The following GNAS variants were observed in gnomAD, a reference collection of about 807,000 sequenced individuals.
The protein encoded by GNAS is GNAS complex locus, also known as protein ALEX.
GNAS carries 8 observed loss-of-function variants against 54.5 expected under a neutral mutation model. That is an observed-to-expected ratio of 0.15 (90% confidence interval 0.09 to 0.26). GNAS has a LOEUF of 0.26. GNAS is among the 10% of genes least tolerant of loss of function. The pLI, the probability that GNAS is intolerant of heterozygous loss-of-function variation, is 1.00. For synonymous variants in GNAS, 204 were observed against 191.4 expected, an observed-to-expected ratio of 1.07 and a Z score of -0.54; for missense variants, 170 against 529.8, an observed-to-expected ratio of 0.32 and a Z score of 6.67.
chr20:58,900,105 C>A (rs1038999222), intron 3 of GNAS: 13 of 575,096 alleles, frequency 2.3e-5, no homozygotes, highest in Non-Finnish European at 3.8e-5. Flanking sequence ...TGCTACCTGA[C>A]CTTAAACGAT....
In GNAS at chr20:58,910,918, G is replaced by A. The variant is rs1284403271; in HGVS notation, c.*89G>A. ...TACAAGCAGTTAATCACCCACCATA[G>A]GGCATGATTAACAAAGCAACCTTTC... On this transcript the variant is annotated 3_prime_UTR_variant, in exon 13 of 13. Transcript: ENST00000371085. The surrounding 1 kb of genome is among the most constrained non-coding windows in gnomAD (Gnocchi z 5.8). 2 of 1,299,924 alleles carry A rather than the reference G, an allele frequency of 1.5e-6. No homozygotes were observed. Among genetic ancestry groups the A allele is most frequent in the African/African-American group, 2.9e-5 (2 of 69,082 alleles). 80.5% of individuals were successfully genotyped at this position (1,299,924 alleles called of 1,614,324 possible).
chr20:58,899,640 C>T (rs1199416453), intron 3 of GNAS, among the ~76,000 whole-genome samples: 1 of 142,068 alleles, frequency 7.0e-6, no homozygotes, highest in African/African-American at 2.4e-5. Context: ...TCCTGCATCC[C>T]CACACCCATC....
At position 58,841,898 on chromosome 20, in the gene GNAS, C is replaced by T; in HGVS notation, c.43+1012C>T. 1.6e-6 allele frequency: 2 copies of T among 1,230,454 alleles called. No individual in the cohort carries two copies. Among genetic ancestry groups the T allele is most frequent in the South Asian group, 4.1e-5 (1 of 24,164 alleles). 76.2% of individuals were successfully genotyped at this position (1,230,454 alleles called of 1,614,324 possible). A position where few individuals can be genotyped will look rare whatever the true frequency, so the allele number is the denominator to read the frequency against. On this transcript the variant is annotated intron_variant, in intron 1 of 12. Transcript: ENST00000306090. This position sits in a 1 kb window ranked among gnomAD's most constrained non-coding sequence, Gnocchi z 5.0. ...AAGGTAAAGCGGAACAAGGGACAGG[C>T]TGGAGACGGGGGTCGCGTCTAACAT... is the stretch of plus-strand genomic sequence containing the variant.
At chr20:58,892,709 A>G (rs1044426175) in intron 1 of GNAS, among the ~76,000 whole-genome samples, 6 of 152,128 alleles carry the variant, frequency 3.9e-5, no homozygotes, top group African/African-American at 1.4e-4. Flanking sequence ...GGAGAGTCAA[A>G]TAAAATAAGA....
At chr20:58,890,416 T>C (rs1257019415), upstream of GNAS, among the ~76,000 whole-genome samples, 2 of 149,374 alleles carry the variant, frequency 1.3e-5, no homozygotes, top group Admixed American at 1.3e-4. Flanking sequence ...GCGCCGCGCG[T>C]TGGGGGCATC....
chr20:58,864,596 T>G (rs1328056313), intron 1 of GNAS, among the ~76,000 whole-genome samples: 1 of 152,122 alleles, frequency 6.6e-6, no homozygotes, highest in Non-Finnish European at 1.5e-5. Context: ...TGAGACAGTA[T>G]AAGGCAGAAA....
intron 1 of GNAS, among the ~76,000 whole-genome samples, chr20:58,847,935 A>T (rs931551019): frequency 1.3e-5 from 2 of 152,212 alleles, no homozygotes; most frequent in Non-Finnish European, 2.9e-5. Flanking sequence ...GCATCAATAG[A>T]GAGGTGAGAC....
At chr20:58,860,151 A>G (rs2086710738) in intron 1 of GNAS, among the ~76,000 whole-genome samples, 1 of 152,234 alleles carries the variant, frequency 6.6e-6, no homozygotes, top group African/African-American at 2.4e-5. Context: ...CTGGTTATAA[A>G]TGTCCATTGA....
At chr20:58,851,309 T>C (rs1251567015) in intron 1 of GNAS, among the ~76,000 whole-genome samples, 2 of 152,144 alleles carry the variant, frequency 1.3e-5, no homozygotes, top group African/African-American at 4.8e-5. Flanking sequence ...TGCATTAGAC[T>C]AAACGGGATC....
chr20:58,902,565 T>TA (rs2090714301), intron 3 of GNAS, among the ~76,000 whole-genome samples: 1 of 151,848 alleles, frequency 6.6e-6, no homozygotes, highest in Non-Finnish European at 1.5e-5. Flanking sequence ...AACCTCTACT[T>TA]ACCAGAGGGA....
chr20:58,910,564 TTTG>T lies in GNAS; in HGVS notation c.1039-116_1039-114del. On this transcript the variant is annotated intron_variant, in intron 12 of 12. Coordinates refer to ENST00000371085, the MANE Select transcript of GNAS (RefSeq NM_000516.7). This position sits in a 1 kb window ranked among gnomAD's most constrained non-coding sequence, Gnocchi z 5.8. ...AGCTCTTTGCGCCCCTCTTTTTGCT[TTTG>T]TTTTCATATGACATCAGAGGCTGGC... 7.5e-7 allele frequency: 1 copy of T among 1,339,200 alleles called. No homozygotes were observed. The highest frequency in any genetic ancestry group is 1.1e-6 in the Non-Finnish European group (1 of 940,234). 83.0% of individuals were successfully genotyped at this position (1,339,200 alleles called of 1,614,324 possible). A position where few individuals can be genotyped will look rare whatever the true frequency, so the allele number is the denominator to read the frequency against.
chr20:58,855,188 G>C lies in GNAS; in HGVS notation c.43+14302G>C, dbSNP rs76145268. The C allele has an allele frequency of 2.7e-4, 431 of 1,607,184 alleles. 1 individual carries two copies. Among genetic ancestry groups the C allele is most frequent in the Non-Finnish European group, 3.5e-4 (411 of 1,176,960 alleles). On this transcript the variant is annotated intron_variant, in intron 1 of 12. Coordinates refer to the GNAS transcript ENST00000306090. ...CTCTCAAGGTCAAGAAGGTACCCCT[G>C]GCGGAGAAGCGCAGACAGATGCGCA...
chr20:58,896,621 T>TA (rs5842245), intron 2 of GNAS, among the ~76,000 whole-genome samples: 2,317 of 133,372 alleles, frequency 0.017, 25 homozygotes, highest in South Asian at 0.032. Context: ...ACAAAACGTG[T>TA]AAAAAAAAAA....
chr20:58,910,935 C>A lies in GNAS; in HGVS notation c.*106C>A. 1.8e-6 allele frequency: 2 copies of A among 1,103,318 alleles called. No homozygotes were observed. Among genetic ancestry groups the A allele is most frequent in the Non-Finnish European group, 2.7e-6 (2 of 733,794 alleles). The allele number at this position is 1,103,318 out of a possible 1,614,324, so 68.3% of individuals were successfully genotyped here. Reference sequence around the variant, plus strand: ...CCACCATAGGGCATGATTAACAAAGCAACCTTTCCCTTCCCCCGAGTGATT... The same window carrying A: ...CCACCATAGGGCATGATTAACAAAGAAACCTTTCCCTTCCCCCGAGTGATT... On this transcript the variant is annotated 3_prime_UTR_variant, in exon 13 of 13. Coordinates refer to ENST00000371085, the MANE Select transcript of GNAS (RefSeq NM_000516.7). This position sits in a 1 kb window ranked among gnomAD's most constrained non-coding sequence, Gnocchi z 5.8.
chr20:58,894,393 T>A (rs2089837209), intron 1 of GNAS, among the ~76,000 whole-genome samples: 2 of 152,246 alleles, frequency 1.3e-5, no homozygotes, highest in Admixed American at 1.3e-4. Context: ...AATCAATGTT[T>A]CTGTGGAAAC....
In GNAS at chr20:58,893,302, C is replaced by T. The variant is rs555306299; in HGVS notation, c.139+1437C>T. Among the ~76,000 whole-genome samples the T allele has an allele frequency of 4.6e-5, 7 of 151,604 alleles. No individual in the cohort carries two copies. In the South Asian group the frequency reaches 1.5e-3, roughly 32 times the overall value. On this transcript the variant is annotated intron_variant, in intron 1 of 12. Coordinates refer to ENST00000371085, the MANE Select transcript of GNAS (RefSeq NM_000516.7). ...AACTATAAGGAGATGGCCTTTCCTC[C>T]TTTTTTTTCTTAAGGTGCTGTTTTG...
At chr20:58,907,851 T>C (rs2091186742) in intron 6 of GNAS, among the ~76,000 whole-genome samples, 1 of 152,270 alleles carries the variant, frequency 6.6e-6, no homozygotes, top group Non-Finnish European at 1.5e-5. Context: ...AAAGTTCAGA[T>C]ACTGGTAGTG....
intron 1 of GNAS, among the ~76,000 whole-genome samples, chr20:58,862,962 GA>G (rs542171703): frequency 0.017 from 1,386 of 82,226 alleles, 12 homozygotes; most frequent in African/African-American, 0.036. Flanking sequence ...TATTACACAT[GA>G]AAAAAAAAAA....
At chr20:58,848,568 A>G (rs920296387) in intron 1 of GNAS, among the ~76,000 whole-genome samples, 1 of 152,224 alleles carries the variant, frequency 6.6e-6, no homozygotes, top group Non-Finnish European at 1.5e-5. Context: ...CGGCAAGGTT[A>G]GGCCCCAGAC....
Sources: gnomAD v4.1 joint callset for allele counts (sites outside exome capture counted in the v4.1 genomes callset) on GRCh38, gnomAD v4.1.1 for gene constraint, Gnocchi (gnomAD v3.1) non-coding constraint, MANE v1.5 for transcripts, NCBI Gene and HGNC (gene_info 2026-07-23, HGNC 2026-07-21) for gene names.